GRIN2A: variants seen among roughly 807,000 people sequenced by gnomAD.
GRIN2A encodes the protein glutamate ionotropic receptor NMDA type subunit 2A.
In GRIN2A, 22 loss-of-function variants were observed where a neutral mutation model predicts 113.4. That is an observed-to-expected ratio of 0.19 (90% CI 0.14 to 0.28). The LOEUF (loss-of-function observed/expected upper bound fraction) is 0.28, where lower values mean the gene tolerates loss of function less well. Ranked by LOEUF, GRIN2A falls within the 10% of genes least tolerant of loss-of-function variation. GRIN2A has a pLI of 1.00. For missense variants in GRIN2A, 1,502 were observed against 1,887.0 expected (o/e 0.80, Z 3.78); for synonymous variants, 827 against 738.4 (o/e 1.12, Z -1.94).
At chr16:10,053,994 G>C (rs7200039) in intron 2 of GRIN2A, among the ~76,000 whole-genome samples, 4 of 148,118 alleles carry the variant, frequency 2.7e-5, no homozygotes, top group African/African-American at 1.0e-4. Context: ...TAATGGCAAG[G>C]ACCACAAATA....
chr16:9,976,775 T>C (rs1414921687), intron 2 of GRIN2A, among the ~76,000 whole-genome samples: 1 of 152,198 alleles, frequency 6.6e-6, no homozygotes, highest in Non-Finnish European at 1.5e-5. Flanking sequence ...TCTGAAGCCA[T>C]TCAGCTGGCG....
intron 2 of GRIN2A, among the ~76,000 whole-genome samples, chr16:9,963,433 G>GC (rs910784397): frequency 6.0e-4 from 91 of 151,272 alleles, no homozygotes; most frequent in African/African-American, 2.2e-3. Context: ...CCCTCCTCTT[G>GC]CCCCCCACCC....
At chr16:10,153,100 T>C (rs2049617807) in intron 2 of GRIN2A, among the ~76,000 whole-genome samples, 1 of 152,178 alleles carries the variant, frequency 6.6e-6, no homozygotes, top group Admixed American at 6.5e-5. Context: ...AGGCGATAAT[T>C]TTGTGTCCAT....
intron 3 of GRIN2A, among the ~76,000 whole-genome samples, chr16:9,936,837 C>T (rs964838335): frequency 5.9e-5 from 9 of 152,256 alleles, no homozygotes; most frequent in East Asian, 3.9e-4. Flanking sequence ...TTCCCCAAAG[C>T]GTAACATGTT....
At chr16:9,827,628 G>A (rs2042410378) in intron 9 of GRIN2A, among the ~76,000 whole-genome samples, 1 of 152,200 alleles carries the variant, frequency 6.6e-6, no homozygotes, top group South Asian at 2.1e-4. Flanking sequence ...TAAATTGCCA[G>A]GCATTTACCA....
In GRIN2A at chr16:9,860,445, CAA is replaced by C. The variant is rs35715098; in HGVS notation, c.1123-10486_1123-10485del. Among the ~76,000 whole-genome samples, 253 of 57,938 alleles carry C rather than the reference CAA, an allele frequency of 4.4e-3. No individual in the cohort carries two copies. The East Asian group carries it at 0.056, about 13-fold the overall frequency. The allele number at this position is 57,938 out of a possible 152,430, so 38.0% of individuals were successfully genotyped here. A position where few individuals can be genotyped will look rare whatever the true frequency, so the allele number is the denominator to read the frequency against. The stretch of plus-strand genomic sequence containing the variant: ...CCTGGGTGACAGAGCAAGAGTCTCT[CAA>C]AAAAAAAAAAAAAAAAAAAAAAAGA... On this transcript the variant is annotated intron_variant, in intron 4 of 12. Coordinates refer to ENST00000330684, the MANE Select transcript of GRIN2A (RefSeq NM_001134407.3).
rs145147112 is a variant in GRIN2A at position 9,962,148 on chromosome 16, C to T, written c.415-23597G>A. On this transcript the variant is annotated intron_variant, in intron 2 of 12. Coordinates refer to ENST00000330684, the MANE Select transcript of GRIN2A (RefSeq NM_001134407.3). ...AAAGACTTATATGTTAGACCTAAAACGATAAAAACCCTAGAAGAAAACCTA... is the reference window on the plus strand; with the variant it reads ...AAAGACTTATATGTTAGACCTAAAATGATAAAAACCCTAGAAGAAAACCTA... 4.4e-3 allele frequency among the ~76,000 whole-genome samples: 670 copies of T among 152,208 alleles called. 2 individuals are homozygous for T. The highest frequency in any genetic ancestry group is 0.037 in the Middle Eastern group (11 of 294).
At chr16:10,053,399 C>G (rs1424857452) in intron 2 of GRIN2A, among the ~76,000 whole-genome samples, 1 of 152,192 alleles carries the variant, frequency 6.6e-6, no homozygotes, top group Admixed American at 6.5e-5. Context: ...TATGAATATT[C>G]CCACTTTAAA....
At position 10,165,680 on chromosome 16, in the gene GRIN2A, G is replaced by C. The variant is rs1043572554; in HGVS notation, c.414+14318C>G. Among the ~76,000 whole-genome samples, 4 of 111,140 alleles carry C rather than the reference G, an allele frequency of 3.6e-5. No homozygotes were observed. The Admixed American group carries it at 4.0e-4, about 11-fold the overall frequency. 72.9% of individuals were successfully genotyped at this position (111,140 alleles called of 152,430 possible). On this transcript the variant is annotated intron_variant, in intron 2 of 12. Coordinates refer to ENST00000330684, the MANE Select transcript of GRIN2A (RefSeq NM_001134407.3). ...GACAGAGAGAGAGAGAAGAGGAGAG[G>C]GGAGGGGAGGGGAGGGGAGAAAGGA...
At chr16:9,935,886 T>C (rs1165271430) in intron 3 of GRIN2A, among the ~76,000 whole-genome samples, 1 of 151,906 alleles carries the variant, frequency 6.6e-6, no homozygotes, top group African/African-American at 2.4e-5. Flanking sequence ...ATTTTTAGTA[T>C]AGACAGGGTT....
chr16:9,769,249 A>G, intron 11 of GRIN2A, 160 bp from the exon 12 acceptor site: 1 of 647,850 alleles, frequency 1.5e-6, no homozygotes, highest in Non-Finnish European at 2.8e-6. Context: ...TCTTGAGTGA[A>G]GATAATAATG....
intron 7 of GRIN2A, 24 bp from the exon 8 acceptor site, chr16:9,834,254 T>C: frequency 6.2e-7 from 1 of 1,613,388 alleles, no homozygotes; most frequent in Non-Finnish European, 8.5e-7. Context: ...GATAAAGGAA[T>C]GGAAACGTGG....
At chr16:10,166,681 G>A (rs1297042980) in intron 2 of GRIN2A, among the ~76,000 whole-genome samples, 1 of 152,112 alleles carries the variant, frequency 6.6e-6, no homozygotes, top group African/African-American at 2.4e-5. Context: ...TTGGTCCAAG[G>A]ACAAAGCCAA....
intron 3 of GRIN2A, among the ~76,000 whole-genome samples, chr16:9,915,258 G>A (rs190828405): frequency 1.3e-5 from 2 of 151,814 alleles, no homozygotes; most frequent in African/African-American, 4.8e-5. Flanking sequence ...TTCTTAATAA[G>A]GCAAGCTGAA....
In GRIN2A at chr16:10,153,477, G is replaced by T. The variant is rs539933907; in HGVS notation, c.414+26521C>A. On this transcript the variant is annotated intron_variant, in intron 2 of 12. Transcript: ENST00000330684. The stretch of plus-strand genomic sequence containing the variant: ...ATTTCAAATATGATAAACCCATCAG[G>T]TATACACAAGGAGAAAAGCTAATTT... 4.6e-5 allele frequency among the ~76,000 whole-genome samples: 7 copies of T among 152,202 alleles called. No homozygotes were observed. In the East Asian group the frequency reaches 1.4e-3, roughly 29 times the overall value.
chr16:9,793,816 T>G (rs1902780307), intron 11 of GRIN2A, among the ~76,000 whole-genome samples: 1 of 128,784 alleles, frequency 7.8e-6, no homozygotes, highest in Non-Finnish European at 1.6e-5. Flanking sequence ...CATGTGTATA[T>G]GTATGTCTAC....
intron 2 of GRIN2A, among the ~76,000 whole-genome samples, chr16:10,134,045 G>A (rs1432733001): frequency 1.3e-5 from 2 of 151,768 alleles, no homozygotes; most frequent in Non-Finnish European, 2.9e-5. Flanking sequence ...TACAAAAACA[G>A]ATTAGCTGGG....
intron 7 of GRIN2A, among the ~76,000 whole-genome samples, chr16:9,838,340 T>G (rs1408127154): frequency 1.3e-5 from 2 of 152,210 alleles, no homozygotes; most frequent in African/African-American, 4.8e-5. Context: ...AAAAGACACT[T>G]GCACACATAT....
At chr16:9,975,137 T>A (rs2045750346) in intron 2 of GRIN2A, among the ~76,000 whole-genome samples, 1 of 152,132 alleles carries the variant, frequency 6.6e-6, no homozygotes, top group African/African-American at 2.4e-5. Context: ...AGATGAGAGG[T>A]ATAGATTAAA....
Sources: allele counts gnomAD v4.1 joint callset (sites outside exome capture counted in the v4.1 genomes callset), GRCh38; gene constraint gnomAD v4.1.1; transcripts MANE v1.5; gene names NCBI Gene and HGNC (gene_info 2026-07-23, HGNC 2026-07-21).